ZNF433: variants seen among roughly 807,000 people sequenced by gnomAD.
ZNF433 encodes the protein zinc finger protein 433.
Under a neutral mutation model 10.6 loss-of-function variants are expected in ZNF433, and 12 were observed. That is an observed-to-expected ratio of 1.13 (90% CI 0.72 to 1.83). The LOEUF (loss-of-function observed/expected upper bound fraction) is 1.83, where lower values mean the gene tolerates loss of function less well. Ranked by LOEUF, ZNF433 falls within the 40% of genes most tolerant of loss-of-function variation. ZNF433 has a pLI of 0.00. For synonymous variants in ZNF433, 272 were observed against 271.3 expected, an observed-to-expected ratio of 1.00 and a Z score of -0.02; for missense variants, 737 against 798.0, an observed-to-expected ratio of 0.92 and a Z score of 0.92.
At chr19:12,028,212 A>G (rs1390475420) in intron 1 of ZNF433, among the ~76,000 whole-genome samples, 4 of 152,106 alleles carry the variant, frequency 2.6e-5, no homozygotes, top group Non-Finnish European at 5.9e-5. Context: ...GTGACCTAAG[A>G]AAAAACAAGT....
chr19:12,015,402 A>C lies in ZNF433; in HGVS notation c.1456T>G (p.Leu486Val). 1 of 1,614,192 alleles carries C rather than the reference A, an allele frequency of 6.2e-7. No individual in the cohort carries two copies. The highest frequency in any genetic ancestry group is 1.3e-5 in the African/African-American group (1 of 75,054). The change falls in exon 4 of 4, where the codon TTG becomes GTG. Residue 486 changes from leucine to valine, a missense_variant. Leu to Val is a conservative substitution (Grantham distance 32, BLOSUM62 1). Coordinates refer to ENST00000550507, the MANE Select transcript of ZNF433 (RefSeq NM_001308348.2). ...ECKGYGKTFS[L>V]PSLFHRHERT... ...TCATGTCTATGAAATAAACTGGGCA[A>C]ACTGAATGTTTTCCCATAACCCTTA...
chr19:12,033,577 CT>C (rs1445701443), intron 1 of ZNF433, among the ~76,000 whole-genome samples: 1 of 151,670 alleles, frequency 6.6e-6, no homozygotes, highest in African/African-American at 2.4e-5. Context: ...AATCCCAGCA[CT>C]TTGGGAGGCC....
In ZNF433 at chr19:12,034,825, T is replaced by TA. The variant is rs765548382; in HGVS notation, c.3+711dup. The TA allele has an allele frequency of 5.8e-5, 26 of 445,566 alleles. No homozygotes were observed. The East Asian group carries it at 1.7e-3, about 30-fold the overall frequency. 27.6% of individuals were successfully genotyped at this position (445,566 alleles called of 1,614,324 possible). A position where few individuals can be genotyped will look rare whatever the true frequency, so the allele number is the denominator to read the frequency against. On this transcript the variant is annotated intron_variant, in intron 1 of 3. Coordinates refer to ENST00000550507, the MANE Select transcript of ZNF433 (RefSeq NM_001308348.2). ...TCCCGCCCTTTCTGCCAAAGGAACT[T>TA]ACACCTTTCCAGGCATTGATGCATG... is the stretch of plus-strand genomic sequence containing the variant.
chr19:12,030,099 AAAAAAAAT>A (rs1166533353), intron 1 of ZNF433: 6 of 369,860 alleles, frequency 1.6e-5, no homozygotes, highest in African/African-American at 1.1e-4. Context: ...AAAAAAAAAA[AAAAAAAAT>A]AGCCATCTGC....
At chr19:12,020,433 T>C (rs774167361) in intron 1 of ZNF433, among the ~76,000 whole-genome samples, 8 of 152,212 alleles carry the variant, frequency 5.3e-5, no homozygotes, top group Non-Finnish European at 8.8e-5. Context: ...CTTTCTCTCA[T>C]GAAAAGTATT....
intron 3 of ZNF433, 133 bp from the exon 4 acceptor site, chr19:12,016,799 A>G: frequency 7.8e-7 from 1 of 1,275,038 alleles, no homozygotes; most frequent in East Asian, 2.5e-5. Context: ...GCTGGAGTGT[A>G]GTGGTGCGAT....
In ZNF433 at chr19:12,016,670, TG is replaced by T; in HGVS notation, c.192-5del. 1.2e-6 allele frequency: 2 copies of T among 1,612,408 alleles called. No homozygotes were observed. The highest frequency in any genetic ancestry group is 1.7e-6 in the Non-Finnish European group (2 of 1,179,440). ...AAAGAGTCTCTCTCCCACAATTCTG[TG>T]AACAATAAGAAGTACATTATAATGG... On this transcript the variant is annotated splice_polypyrimidine_tract_variant and splice_region_variant and intron_variant, in intron 3 of 3. Transcript: ENST00000550507.
intron 1 of ZNF433, chr19:12,022,238 C>G (rs575014580): frequency 3.1e-6 from 1 of 322,890 alleles, no homozygotes; most frequent in African/African-American, 2.1e-5. Flanking sequence ...AGGACGTGTT[C>G]CTGCTGCAGA....
chr19:12,028,137 G>A (rs972504649), intron 1 of ZNF433: 1 of 151,722 alleles, frequency 6.6e-6, no homozygotes, highest in African/African-American at 2.4e-5. Context: ...CAATCACCTG[G>A]GCTCAAGTGA....
intron 1 of ZNF433, chr19:12,018,531 G>GGCAGCACACCTTTCTGGATTT: frequency 2.8e-6 from 1 of 361,764 alleles, no homozygotes; most frequent in Non-Finnish European, 4.7e-6. Flanking sequence ...GGTAAATCCA[G>GGCAGCACACCTTTCTGGATTT]AAAGGTGTGC....
chr19:12,018,316 G>C, intron 1 of ZNF433, 24 bp from the exon 2 acceptor site: 1 of 1,604,094 alleles, frequency 6.2e-7, no homozygotes, highest in Non-Finnish European at 8.5e-7. Context: ...CATGTATAGA[G>C]GAGGATGGAT....
At chr19:12,019,506 A>G (rs1453971883) in intron 1 of ZNF433, among the ~76,000 whole-genome samples, 1 of 152,228 alleles carries the variant, frequency 6.6e-6, no homozygotes, top group Non-Finnish European at 1.5e-5. Flanking sequence ...TAAATGGCTC[A>G]GCTTCTATGG....
At chr19:12,026,354 G>T (rs1036620686) in intron 1 of ZNF433, 2 of 278,666 alleles carry the variant, frequency 7.2e-6, no homozygotes, top group Non-Finnish European at 1.4e-5. Flanking sequence ...AGCAACAACT[G>T]CCTGGGGACA....
At chr19:12,025,146 G>A (rs1177843392) in intron 1 of ZNF433, 2 of 152,130 alleles carry the variant, frequency 1.3e-5, no homozygotes, top group Non-Finnish European at 2.9e-5. Context: ...CAGAAGCCCT[G>A]TACTTCGGCT....
chr19:12,027,227 C>T (rs956103351), intron 1 of ZNF433: 23 of 388,798 alleles, frequency 5.9e-5, no homozygotes, highest in African/African-American at 4.9e-4. Context: ...GATGATTGTG[C>T]TTTTAATCTG....
At position 12,019,730 on chromosome 19, in the gene ZNF433, A is replaced by T. The variant is rs141170401; in HGVS notation, c.4-1438T>A. ...ATATGCTAGGCATATATATACATTG[A>T]AATATTAATCTTATAACATCCTGTC... On this transcript the variant is annotated intron_variant, in intron 1 of 3. Transcript: ENST00000550507. 2.0e-5 allele frequency among the ~76,000 whole-genome samples: 3 copies of T among 152,320 alleles called. No homozygotes were observed. In the East Asian group the frequency reaches 5.8e-4, roughly 29 times the overall value.
chr19:12,030,247 G>A (rs756868358), intron 1 of ZNF433: 14 of 418,616 alleles, frequency 3.3e-5, no homozygotes, highest in South Asian at 1.2e-4. Context: ...TTTTTGAGAC[G>A]GAGTCTCACC....
chr19:12,016,392 T>C lies in ZNF433; in HGVS notation c.466A>G (p.Thr156Ala). 1.2e-6 allele frequency: 2 copies of C among 1,614,212 alleles called. No homozygotes were observed. Among genetic ancestry groups the C allele is most frequent in the Non-Finnish European group, 1.7e-6 (2 of 1,180,032 alleles). Reference protein sequence around the residue: ...KPFNCLSSVQTHERAHSGRKL... With the variant: ...KPFNCLSSVQAHERAHSGRKL... ...CTTCCACTATGAGCCCTTTCATGTGTCTGAACAGAGGAGAGACAGTTGAAA... is the reference window on the plus strand; with the variant it reads ...CTTCCACTATGAGCCCTTTCATGTGCCTGAACAGAGGAGAGACAGTTGAAA... The change falls in exon 4 of 4, where the codon ACA becomes GCA. Residue 156 changes from threonine (T) to alanine (A), a missense_variant. Transcript: ENST00000550507.
intron 1 of ZNF433, among the ~76,000 whole-genome samples, chr19:12,031,021 G>C (rs1974990281): frequency 6.6e-6 from 1 of 152,080 alleles, no homozygotes; most frequent in African/African-American, 2.4e-5. Context: ...GGTTGCAGTG[G>C]TGTGGCTGGC....
Sources: gnomAD v4.1 joint callset for allele counts (sites outside exome capture counted in the v4.1 genomes callset) on GRCh38, gnomAD v4.1.1 for gene constraint, MANE v1.5 for transcripts, NCBI Gene and HGNC (gene_info 2026-07-23, HGNC 2026-07-21) for gene names.